The following MYO1E variants were observed in gnomAD, a reference collection of about 807,000 sequenced individuals.
MYO1E encodes the protein myosin IE, also known as unconventional myosin-Ie.
A neutral mutation model predicts 151.1 loss-of-function variants in MYO1E; 68 were observed. The ratio of observed to expected loss-of-function variants is 0.45; its 90% CI spans 0.37 to 0.55. The LOEUF (loss-of-function observed/expected upper bound fraction) is 0.55. Ranked by LOEUF, MYO1E falls within the 20% of genes least tolerant of loss-of-function variation. The pLI is 0.00. For missense variants in MYO1E, 1,363 were observed against 1,389.3 expected, an observed-to-expected ratio of 0.98 and a Z score of 0.30; for synonymous variants, 601 against 501.7, an observed-to-expected ratio of 1.20 and a Z score of -2.64.
intron 3 of MYO1E, among the ~76,000 whole-genome samples, chr15:59,256,861 A>T (rs145921121): frequency 6.6e-6 from 1 of 152,320 alleles, no homozygotes; most frequent in African/African-American, 2.4e-5. Context: ...CTGGGGCCTC[A>T]GAGGGAATTA....
chr15:59,204,419 C>G (rs1301275992), intron 15 of MYO1E, among the ~76,000 whole-genome samples: 1 of 152,206 alleles, frequency 6.6e-6, no homozygotes, highest in Non-Finnish European at 1.5e-5. Context: ...AGAAGCTGGC[C>G]TTGCTATTGT....
intron 26 of MYO1E, 55 bp from the exon 27 acceptor site, chr15:59,138,422 G>A (rs1239476077): frequency 1.0e-5 from 16 of 1,596,694 alleles, no homozygotes; most frequent in African/African-American, 2.7e-5. Context: ...CAGCAGCACC[G>A]AACGGTGGTT....
chr15:59,261,440 T>C lies in MYO1E; in HGVS notation c.217A>G (p.Ile73Val), dbSNP rs759865434. 5.6e-6 allele frequency: 9 copies of C among 1,609,858 alleles called. No individual in the cohort carries two copies. Among genetic ancestry groups the C allele is most frequent in the African/African-American group, 1.3e-5 (1 of 74,920 alleles). The change falls in exon 3 of 28, where the codon ATT becomes GTT. Residue 73 changes from isoleucine (I) to valine (V), a missense_variant. By Grantham distance (29) the Ile-to-Val change is conservative (BLOSUM62 3). Transcript: ENST00000288235. The stretch of plus-strand genomic sequence containing the variant: ...CTTACCGCTCCTTGGTACATTTCAA[T>C]TTCCTTTTCCCCAAAATATGGCATC... ...KQMPYFGEKE[I>V]EMYQGAAQYE...
At chr15:59,146,149 G>A (rs1371266054) in intron 26 of MYO1E, among the ~76,000 whole-genome samples, 1 of 152,166 alleles carries the variant, frequency 6.6e-6, no homozygotes, top group Non-Finnish European at 1.5e-5. Context: ...CTATCTGAGT[G>A]CTGGGACTAC....
intron 1 of MYO1E, among the ~76,000 whole-genome samples, chr15:59,298,279 T>C (rs2080462698): frequency 6.6e-6 from 1 of 152,226 alleles, no homozygotes; most frequent in Non-Finnish European, 1.5e-5. Flanking sequence ...ACTGAGTTTT[T>C]CAGACAGTCA....
At chr15:59,151,381 G>C (rs550538651) in intron 26 of MYO1E, among the ~76,000 whole-genome samples, 1 of 152,062 alleles carries the variant, frequency 6.6e-6, no homozygotes, top group Non-Finnish European at 1.5e-5. Context: ...AGTGAGCTGA[G>C]ATTGCACCAC....
intron 16 of MYO1E, among the ~76,000 whole-genome samples, chr15:59,197,646 C>T (rs776171158): frequency 9.2e-5 from 14 of 152,234 alleles, no homozygotes; most frequent in Non-Finnish European, 1.8e-4. Context: ...CTTGAACCCA[C>T]GCCCATGGGC....
At position 59,153,446 on chromosome 15, in the gene MYO1E, C is replaced by T; in HGVS notation, c.3080+144G>A. The T allele has an allele frequency of 1.5e-5, 12 of 825,564 alleles. No individual in the cohort carries two copies. The South Asian group carries it at 1.6e-4, about 11-fold the overall frequency. The allele number at this position is 825,564 out of a possible 1,614,324, so 51.1% of individuals were successfully genotyped here. A position where few individuals can be genotyped will look rare whatever the true frequency, so the allele number is the denominator to read the frequency against. On this transcript the variant is annotated intron_variant, in intron 26 of 27. Coordinates refer to ENST00000288235, the MANE Select transcript of MYO1E (RefSeq NM_004998.4). ...AAATAACCAGCCACAGCCCCACAGC[C>T]TTGGGTCCTGGCATATAGCACTGAG... is the stretch of plus-strand genomic sequence containing the variant.
intron 6 of MYO1E, among the ~76,000 whole-genome samples, chr15:59,229,630 T>C (rs2080013586): frequency 6.6e-6 from 1 of 152,372 alleles, no homozygotes; most frequent in Admixed American, 6.5e-5. Context: ...ACATAGATGT[T>C]CATTGCATTG....
chr15:59,308,670 TCAA>T (rs1238437790), intron 1 of MYO1E, among the ~76,000 whole-genome samples: 6 of 56,220 alleles, frequency 1.1e-4, no homozygotes, highest in East Asian at 1.6e-3. Context: ...AGACACCATC[TCAA>T]AAAAAAAAAA....
chr15:59,140,066 TTGTG>T (rs71425844), intron 26 of MYO1E, among the ~76,000 whole-genome samples: 5,312 of 150,250 alleles, frequency 0.035, 197 homozygotes, highest in African/African-American at 0.089. Context: ...GAATTCTCTG[TTGTG>T]TGTGTGTGTG....
intron 4 of MYO1E, among the ~76,000 whole-genome samples, chr15:59,248,562 G>A (rs2080145118): frequency 1.3e-5 from 2 of 151,850 alleles, no homozygotes; most frequent in South Asian, 2.1e-4. Flanking sequence ...GTGGGCTGAG[G>A]AGGAAGGCAT....
At chr15:59,224,592 T>G (rs2079977048) in intron 8 of MYO1E, 97 bp downstream of exon 8, 1 of 1,504,208 alleles carries the variant, frequency 6.6e-7, no homozygotes, top group Admixed American at 1.7e-5. Flanking sequence ...GGACATTTCA[T>G]GCAGCTCTTT....
chr15:59,257,446 G>A (rs1331949577), intron 3 of MYO1E, among the ~76,000 whole-genome samples: 1 of 152,210 alleles, frequency 6.6e-6, no homozygotes, highest in Non-Finnish European at 1.5e-5. Context: ...CGTCCAAGCT[G>A]CAAGTCTCAC....
chr15:59,221,056 A>G (rs73422960), intron 9 of MYO1E, among the ~76,000 whole-genome samples: 75,291 of 145,890 alleles, frequency 0.52, 21,449 homozygotes, highest in Non-Finnish European at 0.67. Context: ...ATACACACAC[A>G]TAATTTTTTT....
At chr15:59,235,978 G>A (rs2080060200) in intron 5 of MYO1E, among the ~76,000 whole-genome samples, 1 of 152,054 alleles carries the variant, frequency 6.6e-6, no homozygotes, top group Non-Finnish European at 1.5e-5. Context: ...TCTATGAGTT[G>A]TCTTTCATGT....
intron 1 of MYO1E, among the ~76,000 whole-genome samples, chr15:59,336,970 C>T (rs746343966): frequency 2.6e-5 from 4 of 152,048 alleles, no homozygotes; most frequent in Admixed American, 1.3e-4. Context: ...ATATGTGCCA[C>T]GTTTTCTTTA....
Position 59,202,334 on chromosome 15 carries a change from T to C in MYO1E, c.1690A>G (p.Lys564Glu), listed in dbSNP as rs757740535. 3.1e-6 allele frequency: 5 copies of C among 1,613,834 alleles called. No individual in the cohort carries two copies. In the East Asian group the frequency reaches 6.7e-5, roughly 22 times the overall value. ...CCTAAAATAGAACTAACCTTTATTT[T>C]GCTTCCGGCAGTAGTTGGGCGCCCT... Reference protein sequence around the residue: ...KKGRPTTAGSKIKKQANDLVS... With the variant: ...KKGRPTTAGSEIKKQANDLVS... Residue 564 changes from lysine (K) to glutamate (E), a missense_variant, in exon 16 of 28, where the codon AAA becomes GAA. By Grantham distance (56) the Lys-to-Glu change is moderately conservative (BLOSUM62 1). Transcript: ENST00000288235.
At chr15:59,150,982 G>T (rs890894972) in intron 26 of MYO1E, among the ~76,000 whole-genome samples, 8 of 68,584 alleles carry the variant, frequency 1.2e-4, no homozygotes, top group Admixed American at 3.9e-4. Flanking sequence ...ACCCAAGACT[G>T]GGGGGTAGTG....
Sources: gnomAD v4.1 joint callset for allele counts (sites outside exome capture counted in the v4.1 genomes callset) on GRCh38, gnomAD v4.1.1 for gene constraint, MANE v1.5 for transcripts, NCBI Gene and HGNC (gene_info 2026-07-23, HGNC 2026-07-21) for gene names.